PPHLN1: variants seen among roughly 807,000 people sequenced by gnomAD.
The protein encoded by PPHLN1 is periphilin 1.
Under a neutral mutation model 51.3 loss-of-function variants are expected in PPHLN1, and 29 were observed. The ratio of observed to expected loss-of-function variants is 0.57; its 90% CI spans 0.42 to 0.77. PPHLN1 has a LOEUF of 0.77. PPHLN1 is among the 30% of genes least tolerant of loss of function. The pLI is 0.00. For synonymous variants in PPHLN1, 147 were observed against 147.8 expected, an observed-to-expected ratio of 0.99 and a Z score of 0.04; for missense variants, 436 against 438.4, an observed-to-expected ratio of 0.99 and a Z score of 0.05.
At chr12:42,438,577 G>A (rs2082674558) in intron 9 of PPHLN1, among the ~76,000 whole-genome samples, 1 of 151,912 alleles carries the variant, frequency 6.6e-6, no homozygotes. Flanking sequence ...TAATTGGGTT[G>A]TTTCTTACTG....
At chr12:42,394,130 C>A (rs1430996231) in intron 8 of PPHLN1, among the ~76,000 whole-genome samples, 1 of 151,970 alleles carries the variant, frequency 6.6e-6, no homozygotes, top group African/African-American at 2.4e-5. Flanking sequence ...TAAAATTATT[C>A]ATTGTCTGGG....
intron 9 of PPHLN1, among the ~76,000 whole-genome samples, chr12:42,401,441 G>T (rs1361774690): frequency 6.6e-6 from 1 of 151,436 alleles, no homozygotes. Flanking sequence ...CAACCCCTGG[G>T]CTTGTGGACC....
chr12:42,369,458 AC>A (rs2075591969), intron 4 of PPHLN1, among the ~76,000 whole-genome samples: 1 of 152,106 alleles, frequency 6.6e-6, no homozygotes, highest in Admixed American at 6.6e-5. Flanking sequence ...CTTGCTGCAA[AC>A]CTTTTACTGG....
intron 2 of PPHLN1, among the ~76,000 whole-genome samples, chr12:42,340,182 C>G (rs575414025): frequency 5.2e-4 from 79 of 151,704 alleles, no homozygotes; most frequent in African/African-American, 1.5e-3. Flanking sequence ...GTAGCGCATG[C>G]CTGTAGTCCC....
intron 6 of PPHLN1, among the ~76,000 whole-genome samples, chr12:42,385,508 A>G (rs904857050): frequency 2.6e-5 from 4 of 152,320 alleles, no homozygotes; most frequent in South Asian, 2.1e-4. Flanking sequence ...GTCCAAGACT[A>G]TACTTCGGGA....
intron 4 of PPHLN1, among the ~76,000 whole-genome samples, chr12:42,368,656 T>G (rs1214312162): frequency 6.6e-6 from 1 of 152,222 alleles, no homozygotes; most frequent in Non-Finnish European, 1.5e-5. Context: ...CAGAACCCCC[T>G]TTTATGTTTT....
chr12:42,446,549 C>T (rs2083334881), downstream of PPHLN1: 1 of 1,604,894 alleles, frequency 6.2e-7, no homozygotes. Flanking sequence ...AAGAATATTA[C>T]TAATTATACT....
At chr12:42,359,900 G>A (rs2138409140) in intron 4 of PPHLN1, among the ~76,000 whole-genome samples, 1 of 152,096 alleles carries the variant, frequency 6.6e-6, no homozygotes, top group East Asian at 1.9e-4. Flanking sequence ...ATGAGGTCAG[G>A]AGTTTGAGAC....
At chr12:42,417,031 A>C (rs143162643) in intron 9 of PPHLN1, among the ~76,000 whole-genome samples, 82 of 152,338 alleles carry the variant, frequency 5.4e-4, no homozygotes, top group Non-Finnish European at 1.0e-3. Context: ...TAGATTGGCT[A>C]TACAGAAATG....
At chr12:42,364,704 T>C (rs1010463256) in intron 4 of PPHLN1, among the ~76,000 whole-genome samples, 18 of 152,098 alleles carry the variant, frequency 1.2e-4, no homozygotes, top group Non-Finnish European at 5.9e-5. Context: ...GTGGATCACC[T>C]GAGGTCAGGA....
intron 8 of PPHLN1, among the ~76,000 whole-genome samples, chr12:42,395,062 C>T (rs2078076743): frequency 6.6e-6 from 1 of 152,186 alleles, no homozygotes; most frequent in Middle Eastern, 3.4e-3. Context: ...AAGCTCACTA[C>T]TGTTCTCAAA....
chr12:42,400,920 C>A (rs2078786755), intron 9 of PPHLN1, among the ~76,000 whole-genome samples: 1 of 152,050 alleles, frequency 6.6e-6, no homozygotes, highest in Admixed American at 6.5e-5. Flanking sequence ...ATATTTACAT[C>A]TGTTGTGAAC....
At chr12:42,348,345 C>G (rs1424066517) in intron 2 of PPHLN1, among the ~76,000 whole-genome samples, 1 of 139,934 alleles carries the variant, frequency 7.1e-6, no homozygotes, top group East Asian at 2.2e-4. Context: ...TGGTCTCAAT[C>G]TCCTAACCTC....
chr12:42,405,701 G>A (rs1466652155), intron 9 of PPHLN1, among the ~76,000 whole-genome samples: 7 of 152,058 alleles, frequency 4.6e-5, no homozygotes, highest in Non-Finnish European at 1.0e-4. Flanking sequence ...TATTTGTAGG[G>A]GTTTTTTGGT....
chr12:42,417,932 G>GT (rs1491348337), intron 9 of PPHLN1, among the ~76,000 whole-genome samples: 738 of 49,044 alleles, frequency 0.015, 4 homozygotes, highest in African/African-American at 0.032. Context: ...TTTTTTTTTT[G>GT]TTTTTTTTTT....
chr12:42,340,786 T>C (rs1306515622), intron 2 of PPHLN1, among the ~76,000 whole-genome samples: 1 of 152,210 alleles, frequency 6.6e-6, no homozygotes, highest in Non-Finnish European at 1.5e-5. Context: ...CTTTTTTATA[T>C]GTATGGCATA....
At chr12:42,352,364 A>G (rs1036760207) in intron 3 of PPHLN1, among the ~76,000 whole-genome samples, 29 of 151,892 alleles carry the variant, frequency 1.9e-4, no homozygotes, top group African/African-American at 6.5e-4. Flanking sequence ...TTAGTACTTA[A>G]TAAGTGATGA....
chr12:42,418,295 A>G (rs571132870), intron 9 of PPHLN1, among the ~76,000 whole-genome samples: 2 of 149,446 alleles, frequency 1.3e-5, no homozygotes, highest in African/African-American at 2.5e-5. Context: ...GGAATGAACA[A>G]TACTATTTTA....
intron 4 of PPHLN1, among the ~76,000 whole-genome samples, chr12:42,358,035 A>G (rs1398301511): frequency 6.6e-6 from 1 of 152,162 alleles, no homozygotes. Flanking sequence ...AGTTCCATGC[A>G]TGTTGCTGCA....
Sources: gnomAD v4.1 joint callset for allele counts (sites outside exome capture counted in the v4.1 genomes callset) on GRCh38, gnomAD v4.1.1 for gene constraint, MANE v1.5 for transcripts, NCBI Gene and HGNC (gene_info 2026-07-23, HGNC 2026-07-21) for gene names.